ARMC2: variants seen among roughly 807,000 people sequenced by gnomAD.
The protein encoded by ARMC2 is armadillo repeat containing 2, also known as armadillo repeat-containing protein 2.
Under a neutral mutation model 90.3 loss-of-function variants are expected in ARMC2, and 67 were observed. That is an observed-to-expected ratio of 0.74 (90% CI 0.61 to 0.91). The LOEUF is 0.91. ARMC2 is among the 40% of genes least tolerant of loss of function. The probability of loss-of-function intolerance (pLI) is 0.00; values close to 1 mark genes in which losing one functional copy is unlikely to be tolerated. For synonymous variants in ARMC2, 393 were observed against 393.0 expected, an observed-to-expected ratio of 1.00 and a Z score of 0.00; for missense variants, 920 against 1,030.9, an observed-to-expected ratio of 0.89 and a Z score of 1.47.
the ARMC2 span, among the ~76,000 whole-genome samples, chr6:109,046,309 C>T: frequency 1.3e-5 from 2 of 151,786 alleles, no homozygotes; most frequent in Non-Finnish European, 2.9e-5. Context: ...GGTCTCCAGC[C>T]CCTAACCGCG....
chr6:109,011,497 AG>A, the ARMC2 span, among the ~76,000 whole-genome samples: 19 of 152,316 alleles, frequency 1.2e-4, no homozygotes, highest in South Asian at 3.7e-3. Context: ...TTCCTCAAAG[AG>A]TACTAATTTC....
intron 11 of ARMC2, among the ~76,000 whole-genome samples, chr6:108,933,593 A>G (rs1562404289): frequency 1.3e-5 from 2 of 152,164 alleles, no homozygotes; most frequent in Admixed American, 6.5e-5. Flanking sequence ...GTAGGTTTTC[A>G]TAAGTACCCT....
In ARMC2 at chr6:108,953,196, G is replaced by A. The variant is rs138386250; in HGVS notation, c.1760G>A (p.Arg587Gln). 1.2e-5 allele frequency: 19 copies of A among 1,614,016 alleles called. No individual in the cohort carries two copies. The highest frequency in any genetic ancestry group is 6.6e-5 in the South Asian group (6 of 91,088). The change falls in exon 13 of 18, where the codon CGA (arginine) becomes CAA (glutamine). Residue 587 changes from arginine to glutamine, a missense_variant. By Grantham distance (43) the Arg-to-Gln change is conservative. Coordinates refer to ENST00000392644, the MANE Select transcript of ARMC2 (RefSeq NM_032131.6). ...DLHSQKPVGQ[R>Q]GEQHRAQRPP... ...CATTCCCAGAAGCCGGTGGGCCAAC[G>A]AGGCGAGCAGCACAGGGCGCAGAGG... is the stretch of plus-strand genomic sequence containing the variant.
At chr6:108,907,831 C>T in intron 8 of ARMC2, 2 of 1,611,236 alleles carry the variant, frequency 1.2e-6, no homozygotes, top group Non-Finnish European at 1.7e-6. Context: ...CCAGTTTGAC[C>T]TCCAGAAGTT....
intron 17 of ARMC2, among the ~76,000 whole-genome samples, 181 bp downstream of exon 17, chr6:108,965,321 G>T (rs1349915794): frequency 6.6e-6 from 1 of 151,238 alleles, no homozygotes. Flanking sequence ...TTTACAGTGG[G>T]GACAGAAGGA....
At chr6:108,899,851 T>A in intron 7 of ARMC2, 59 bp downstream of exon 7, 1 of 1,285,306 alleles carries the variant, frequency 7.8e-7, no homozygotes, top group Non-Finnish European at 1.1e-6. Context: ...AAAATACCTG[T>A]AGTTATTTAT....
the ARMC2 span, chr6:108,988,595 A>G: frequency 1.2e-6 from 2 of 1,613,330 alleles, no homozygotes; most frequent in African/African-American, 1.3e-5. Flanking sequence ...TCTTTTGGTA[A>G]CCTTTTCAGG....
the ARMC2 span, among the ~76,000 whole-genome samples, chr6:109,013,906 T>C: frequency 1.0e-2 from 1,521 of 152,326 alleles, 88 homozygotes; most frequent in Admixed American, 0.089. Context: ...TCTACATAGC[T>C]TGTCTGCTAA....
chr6:108,999,038 A>ATT, the ARMC2 span: 2 of 228,566 alleles, frequency 8.8e-6, no homozygotes, highest in Non-Finnish European at 1.7e-5. Context: ...TGGCTGCTGT[A>ATT]TTTCAGATGC....
chr6:108,941,006 T>C (rs2015417), intron 12 of ARMC2, among the ~76,000 whole-genome samples: 87,539 of 152,048 alleles, frequency 0.58, 25,840 homozygotes, highest in East Asian at 0.88. Flanking sequence ...TCTGTAGTCC[T>C]AGCTACTTAG....
At chr6:109,016,027 A>C in the ARMC2 span, among the ~76,000 whole-genome samples, 1 of 152,180 alleles carries the variant, frequency 6.6e-6, no homozygotes, top group Non-Finnish European at 1.5e-5. Flanking sequence ...AATAGATTAA[A>C]ACCAAACCTA....
At chr6:108,951,369 G>A (rs772928168) in intron 12 of ARMC2, among the ~76,000 whole-genome samples, 4 of 152,136 alleles carry the variant, frequency 2.6e-5, no homozygotes, top group African/African-American at 4.8e-5. Flanking sequence ...TCTATTTCCC[G>A]GGGTGGAGTC....
the ARMC2 span, chr6:109,000,262 A>G: frequency 2.8e-6 from 1 of 352,190 alleles, no homozygotes; most frequent in Non-Finnish European, 5.1e-6. Context: ...AGAACGATAC[A>G]ATGCAAAGAC....
chr6:108,890,694 C>T (rs1478878337), intron 5 of ARMC2, among the ~76,000 whole-genome samples: 3 of 152,184 alleles, frequency 2.0e-5, no homozygotes, highest in East Asian at 1.9e-4. Context: ...CCCACCACAA[C>T]GTAAGGATCA....
the ARMC2 span, among the ~76,000 whole-genome samples, chr6:108,993,578 T>C: frequency 6.6e-6 from 1 of 152,184 alleles, no homozygotes; most frequent in Non-Finnish European, 1.5e-5. Context: ...TCCCACTCTA[T>C]TATATTGTCA....
intron 1 of ARMC2, among the ~76,000 whole-genome samples, chr6:108,851,987 CT>C (rs925984528): frequency 3.3e-5 from 5 of 152,226 alleles, no homozygotes; most frequent in African/African-American, 9.6e-5. Flanking sequence ...AAGCAGAGGG[CT>C]TTGCACATAG....
chr6:108,984,746 G>C, the ARMC2 span, among the ~76,000 whole-genome samples: 1 of 152,144 alleles, frequency 6.6e-6, no homozygotes, highest in African/African-American at 2.4e-5. Flanking sequence ...ATTTTTGTGT[G>C]CTGACTTTGT....
chr6:108,899,812 A>G lies in ARMC2; in HGVS notation c.847+20A>G. On this transcript the variant is annotated intron_variant, in intron 7 of 17. Coordinates refer to ENST00000392644, the MANE Select transcript of ARMC2 (RefSeq NM_032131.6). ...AAAAGGGTAAAACACAAACAAACAAACAAAAAACCGTTTTTGTTTTTTTTT... is the reference window on the plus strand; with the variant it reads ...AAAAGGGTAAAACACAAACAAACAAGCAAAAAACCGTTTTTGTTTTTTTTT... The G allele has an allele frequency of 1.3e-6, 2 of 1,563,126 alleles. No individual in the cohort carries two copies. The highest frequency in any genetic ancestry group is 1.7e-6 in the Non-Finnish European group (2 of 1,144,650).
intron 10 of ARMC2, among the ~76,000 whole-genome samples, chr6:108,916,871 G>C (rs1774023191): frequency 6.6e-6 from 1 of 152,200 alleles, no homozygotes; most frequent in African/African-American, 2.4e-5. Flanking sequence ...GAACAGAAGA[G>C]TCTTCTGTCT....
Sources: allele counts gnomAD v4.1 joint callset (sites outside exome capture counted in the v4.1 genomes callset), GRCh38; gene constraint gnomAD v4.1.1; transcripts MANE v1.5; gene names NCBI Gene and HGNC (gene_info 2026-07-23, HGNC 2026-07-21).